Variants in TGM7 observed in about 807,000 individuals in gnomAD.
TGM7 encodes the protein protein-glutamine gamma-glutamyltransferase Z.
A neutral mutation model predicts 79.5 loss-of-function variants in TGM7; 74 were observed. That is an observed-to-expected ratio of 0.93 (90% CI 0.77 to 1.13). The LOEUF is 1.13. TGM7 is among the 50% of genes most tolerant of loss of function. TGM7 has a pLI of 0.00. For missense variants in TGM7, 912 were observed against 905.9 expected, an observed-to-expected ratio of 1.01 and a Z score of -0.09; for synonymous variants, 354 against 362.5, an observed-to-expected ratio of 0.98 and a Z score of 0.27.
intron 1 of TGM7, among the ~76,000 whole-genome samples, chr15:43,298,226 A>G (rs979342129): frequency 2.0e-5 from 3 of 152,172 alleles, no homozygotes; most frequent in Non-Finnish European, 2.9e-5. Context: ...CATTTGCTGA[A>G]TGGATAGACA....
At chr15:43,284,742 A>G in intron 7 of TGM7, 72 bp downstream of exon 7, 8 of 1,556,778 alleles carry the variant, frequency 5.1e-6, no homozygotes, top group Non-Finnish European at 6.2e-6. Flanking sequence ...CTCAAGAGCC[A>G]GAGAGAACCA....
intron 6 of TGM7, 146 bp from the exon 7 acceptor site, chr15:43,285,098 C>A: frequency 1.2e-6 from 1 of 810,028 alleles, no homozygotes; most frequent in South Asian, 1.7e-5. Flanking sequence ...TCCCAGAGCC[C>A]CACACCCAGT....
At chr15:43,297,177 C>G (rs558009838) in intron 1 of TGM7, among the ~76,000 whole-genome samples, 1 of 152,032 alleles carries the variant, frequency 6.6e-6, no homozygotes, top group African/African-American at 2.4e-5. Flanking sequence ...GGAGACAGGC[C>G]GGGCACAGTG....
chr15:43,278,461 CTTTTG>C (rs1192651028), intron 11 of TGM7, among the ~76,000 whole-genome samples: 5 of 152,282 alleles, frequency 3.3e-5, no homozygotes, highest in Admixed American at 2.0e-4. Flanking sequence ...CAATACTCAC[CTTTTG>C]TTTTGTTTTG....
At chr15:43,296,198 G>A (rs929398860) in intron 1 of TGM7, among the ~76,000 whole-genome samples, 3 of 152,148 alleles carry the variant, frequency 2.0e-5, no homozygotes, top group African/African-American at 7.2e-5. Flanking sequence ...GGCCAAGGCG[G>A]GCAGATCACG....
At chr15:43,285,765 T>A (rs1026001944) in intron 6 of TGM7, among the ~76,000 whole-genome samples, 1 of 152,160 alleles carries the variant, frequency 6.6e-6, no homozygotes, top group Non-Finnish European at 1.5e-5. Flanking sequence ...CTCATGATAC[T>A]GCTACAAAGG....
At position 43,292,798 on chromosome 15, in the gene TGM7, G is replaced by C. The variant is rs1371476449; in HGVS notation, c.350C>G (p.Thr117Ser). The C allele has an allele frequency of 6.2e-7, 1 of 1,614,164 alleles. No individual in the cohort carries two copies. Among genetic ancestry groups the C allele is most frequent in the Non-Finnish European group, 8.5e-7 (1 of 1,180,034 alleles). The change falls in exon 3 of 13, where the codon ACT (threonine) becomes AGT (serine). Residue 117 changes from threonine to serine, a missense_variant. Transcript: ENST00000452443. ...GCCCTGAGAGATCTCTATTTTCAGAGTGTAATGGCCAATAACTGCATTGGC... is the reference window on the plus strand; with the variant it reads ...GCCCTGAGAGATCTCTATTTTCAGACTGTAATGGCCAATAACTGCATTGGC... Reference protein sequence around the residue: ...TPANAVIGHYTLKIEISQGQG... With the variant: ...TPANAVIGHYSLKIEISQGQG...
chr15:43,293,525 C>T lies in TGM7; in HGVS notation c.117G>A (p.Gln39=). 3 of 1,611,844 alleles carry T rather than the reference C, an allele frequency of 1.9e-6. No individual in the cohort carries two copies. The highest frequency in any genetic ancestry group is 1.3e-5 in the African/African-American group (1 of 74,746). Residue 39 remains glutamine, a synonymous_variant, in exon 2 of 13, where the codon CAG becomes CAA. Transcript: ENST00000452443. The part of the protein sequence containing the change: ...GVKRLTVRRG[Q]PFYLRLSFSR... The stretch of plus-strand genomic sequence containing the variant: ...TGAAGCTCAGCCGGAGGTAGAAGGG[C>T]TGGCCGCGGCGCACAGTGAGCCGCT...
intron 9 of TGM7, among the ~76,000 whole-genome samples, chr15:43,281,400 A>C (rs1213683716): frequency 6.6e-6 from 1 of 152,108 alleles, no homozygotes; most frequent in African/African-American, 2.4e-5. Context: ...CGGTGGTGCC[A>C]CTCTGGGTGG....
intron 6 of TGM7, among the ~76,000 whole-genome samples, chr15:43,286,866 T>G (rs2042938038): frequency 6.6e-6 from 1 of 152,220 alleles, no homozygotes; most frequent in Admixed American, 6.5e-5. Context: ...GATCTCTCAG[T>G]GAAGCATTTG....
intron 1 of TGM7, among the ~76,000 whole-genome samples, chr15:43,301,837 CAG>C (rs1328637985): frequency 6.6e-6 from 1 of 151,882 alleles, no homozygotes; most frequent in East Asian, 2.0e-4. Context: ...ACCTGAGAGT[CAG>C]GGGAGAAGCT....
intron 1 of TGM7, among the ~76,000 whole-genome samples, chr15:43,294,114 T>C (rs934157719): frequency 7.9e-5 from 12 of 152,294 alleles, no homozygotes; most frequent in South Asian, 2.1e-4. Flanking sequence ...CACCCTTTTA[T>C]CCTACTGATA....
At chr15:43,282,396 G>T in intron 8 of TGM7, 121 bp downstream of exon 8, 1 of 884,942 alleles carries the variant, frequency 1.1e-6, no homozygotes, top group Non-Finnish European at 1.8e-6. Flanking sequence ...GTGTCAGCTG[G>T]GACCTCGGGA....
chr15:43,300,714 T>C (rs7171080), intron 1 of TGM7, among the ~76,000 whole-genome samples: 8 of 152,152 alleles, frequency 5.3e-5, no homozygotes, highest in African/African-American at 1.9e-4. Flanking sequence ...GGCAGGAGAA[T>C]GGCGTGAACC....
chr15:43,301,765 G>A (rs1409679546), intron 1 of TGM7, among the ~76,000 whole-genome samples: 1 of 152,166 alleles, frequency 6.6e-6, no homozygotes, highest in African/African-American at 2.4e-5. Flanking sequence ...GAGTGGCAGG[G>A]TTCTGAAGGG....
At chr15:43,301,561 C>T (rs1390648230) in intron 1 of TGM7, among the ~76,000 whole-genome samples, 1 of 148,250 alleles carries the variant, frequency 6.7e-6, no homozygotes, top group Admixed American at 6.8e-5. Flanking sequence ...ACTCAGGAGG[C>T]AGAGGATGCA....
Position 43,276,870 on chromosome 15 carries a change from T to A in TGM7, c.1965A>T (p.Ile655=), listed in dbSNP as rs150374715. ...LEGSGLINGQ[I]AKDLGTLVAG... is the part of the protein sequence containing the mutation. The stretch of plus-strand genomic sequence containing the variant: ...GCAGAAGCGTCACTTACTCCTTTGC[T>A]ATCTGCCCATTGATGAGGCCGCTTC... The change falls in exon 12 of 13, where the codon ATA becomes ATT. Residue 655 remains isoleucine, a synonymous_variant. Coordinates refer to ENST00000452443, the MANE Select transcript of TGM7 (RefSeq NM_052955.3). 7.5e-3 allele frequency: 12,151 copies of A among 1,614,080 alleles called. 88 individuals are homozygous for A. The highest frequency in any genetic ancestry group is 9.8e-3 in the Non-Finnish European group (11,531 of 1,179,970).
Position 43,276,502 on chromosome 15 carries a change from T to G in TGM7, c.2086A>C (p.Ile696Leu). 6.2e-7 allele frequency: 1 copy of G among 1,614,046 alleles called. No individual in the cohort carries two copies. Among genetic ancestry groups the G allele is most frequent in the Non-Finnish European group, 8.5e-7 (1 of 1,179,966 alleles). The change falls in exon 13 of 13, where the codon ATC becomes CTC. Residue 696 changes from isoleucine (I) to leucine (L), a missense_variant. Transcript: ENST00000452443. ...VLISSNEVKE[I>L]KGYKDIFVTV... ...ACGAAGATGTCCTTGTAGCCTTTGA[T>G]CTCCTTGACCTCGTTGCTGCTGATG...
intron 6 of TGM7, among the ~76,000 whole-genome samples, chr15:43,285,848 A>AC (rs1340620363): frequency 8.9e-6 from 1 of 112,710 alleles, no homozygotes; most frequent in African/African-American, 7.4e-5. Context: ...ACATACACAC[A>AC]AACACACACA....
Sources: allele counts gnomAD v4.1 joint callset (sites outside exome capture counted in the v4.1 genomes callset), GRCh38; gene constraint gnomAD v4.1.1; transcripts MANE v1.5; gene names NCBI Gene and HGNC (gene_info 2026-07-23, HGNC 2026-07-21).